INTS4: variants seen among roughly 807,000 people sequenced by gnomAD.
The protein encoded by INTS4 is MSTP093.
INTS4 carries 70 observed loss-of-function variants against 119.5 expected under a neutral mutation model. That is an observed-to-expected ratio of 0.59 (90% confidence interval 0.48 to 0.71). INTS4 has a LOEUF of 0.71. Ranked by LOEUF, INTS4 falls within the 30% of genes least tolerant of loss-of-function variation. The probability of loss-of-function intolerance (pLI) is 0.00; values close to 1 mark genes in which losing one functional copy is unlikely to be tolerated. For missense variants in INTS4, 867 were observed against 1,173.2 expected (o/e 0.74, Z 3.81); for synonymous variants, 316 against 419.6 (o/e 0.75, Z 3.02).
chr11:77,963,545 C>A, intron 4 of INTS4: 3 of 350,202 alleles, frequency 8.6e-6, no homozygotes, highest in Non-Finnish European at 1.1e-5. Flanking sequence ...AATAATAAGA[C>A]CAATTTGTGT....
Position 77,928,522 on chromosome 11 carries a change from G to A in INTS4, c.1191C>T (p.Ala397=). ...MYEVRIAAVE[A]LCMLAQSSPS... Reference sequence around the variant, plus strand: ...GTGAAGACTGGGCCAACATGCAGAGGGCCTCCACAGCAGCAATACGAACCT... The same window carrying A: ...GTGAAGACTGGGCCAACATGCAGAGAGCCTCCACAGCAGCAATACGAACCT... Residue 397 remains alanine (A), a synonymous_variant, in exon 11 of 23, where the codon GCC becomes GCT. Coordinates refer to ENST00000534064, the MANE Select transcript of INTS4 (RefSeq NM_033547.4). 3.1e-6 allele frequency: 5 copies of A among 1,589,334 alleles called. No homozygotes were observed. The highest frequency in any genetic ancestry group is 4.3e-6 in the Non-Finnish European group (5 of 1,166,524).
chr11:77,900,275 A>AT (rs1258537414), intron 18 of INTS4, among the ~76,000 whole-genome samples: 6 of 151,858 alleles, frequency 4.0e-5, no homozygotes, highest in Non-Finnish European at 2.9e-5. Flanking sequence ...AATTTTATGT[A>AT]TTTTTAGTAG....
chr11:77,914,158 C>T (rs1953152096), intron 15 of INTS4, among the ~76,000 whole-genome samples: 1 of 152,218 alleles, frequency 6.6e-6, no homozygotes, highest in South Asian at 2.1e-4. Context: ...TTTCACCATC[C>T]TGCCTATGCT....
intron 10 of INTS4, among the ~76,000 whole-genome samples, chr11:77,934,785 C>T (rs1953749908): frequency 6.6e-6 from 1 of 152,160 alleles, no homozygotes; most frequent in Non-Finnish European, 1.5e-5. Context: ...TTTAAGTTCA[C>T]AGAGAATCAA....
chr11:77,950,931 T>G (rs1954177318), intron 8 of INTS4, among the ~76,000 whole-genome samples: 1 of 142,768 alleles, frequency 7.0e-6, no homozygotes, highest in African/African-American at 2.6e-5. Context: ...GTCCATGTGT[T>G]CTCATTGTTC....
intron 4 of INTS4, among the ~76,000 whole-genome samples, chr11:77,972,988 G>C (rs1855792342): frequency 6.6e-6 from 1 of 151,610 alleles, no homozygotes; most frequent in South Asian, 2.1e-4. Context: ...CAACAGGCAA[G>C]TGCCACCATA....
At chr11:77,940,716 A>C (rs1161562577) in intron 9 of INTS4, among the ~76,000 whole-genome samples, 1 of 152,064 alleles carries the variant, frequency 6.6e-6, no homozygotes, top group Non-Finnish European at 1.5e-5. Flanking sequence ...GGCTCACTGC[A>C]ACCTCTGGTC....
chr11:77,984,508 A>C (rs116366126), intron 2 of INTS4, among the ~76,000 whole-genome samples: 2,800 of 151,662 alleles, frequency 0.018, 71 homozygotes, highest in African/African-American at 0.063. Context: ...AATGAAAAAA[A>C]AAAAAAGGTA....
intron 1 of INTS4, among the ~76,000 whole-genome samples, chr11:77,992,013 C>T (rs962618888): frequency 6.6e-6 from 1 of 151,882 alleles, no homozygotes; most frequent in African/African-American, 2.4e-5. Context: ...CTAGTAGAGA[C>T]AGGTTTTGCC....
intron 8 of INTS4, among the ~76,000 whole-genome samples, chr11:77,950,330 T>C (rs890328901): frequency 4.4e-4 from 67 of 152,018 alleles, no homozygotes; most frequent in Non-Finnish European, 1.3e-4. Flanking sequence ...CAAACCTGCA[T>C]GTTCTGCACA....
chr11:77,915,204 T>A (rs1953178551), intron 15 of INTS4: 1 of 154,132 alleles, frequency 6.5e-6, no homozygotes, highest in African/African-American at 2.4e-5. Flanking sequence ...TGTGATCTCC[T>A]CCACTGATTT....
intron 13 of INTS4, 71 bp downstream of exon 13, chr11:77,922,285 G>C: frequency 1.3e-6 from 2 of 1,546,568 alleles, no homozygotes; most frequent in Non-Finnish European, 8.7e-7. Flanking sequence ...GACTACCCTA[G>C]CTATACTGCA....
intron 3 of INTS4, among the ~76,000 whole-genome samples, chr11:77,980,836 A>T (rs1396018245): frequency 6.6e-6 from 1 of 152,034 alleles, no homozygotes; most frequent in Non-Finnish European, 1.5e-5. Context: ...TAAAAATACA[A>T]AAAAAATCAG....
At chr11:77,905,139 A>G (rs1219159087) in intron 16 of INTS4, among the ~76,000 whole-genome samples, 1 of 152,116 alleles carries the variant, frequency 6.6e-6, no homozygotes, top group Non-Finnish European at 1.5e-5. Flanking sequence ...CCAATCAGCC[A>G]GTGGCCAGGA....
At chr11:77,918,792 T>C (rs1410007097) in intron 15 of INTS4, 29 bp downstream of exon 15, 11 of 1,609,962 alleles carry the variant, frequency 6.8e-6, no homozygotes, top group Non-Finnish European at 8.5e-6. Flanking sequence ...CAGCACTAAC[T>C]CTGTCAGATG....
intron 15 of INTS4, chr11:77,917,905 T>C: frequency 1.7e-6 from 1 of 587,324 alleles, no homozygotes; most frequent in South Asian, 1.9e-5. Context: ...AAAGACTGCA[T>C]GTCCTCGCTC....
intron 8 of INTS4, among the ~76,000 whole-genome samples, chr11:77,941,797 C>T (rs1404827624): frequency 6.6e-6 from 1 of 152,088 alleles, no homozygotes; most frequent in Non-Finnish European, 1.5e-5. Context: ...TGAGTCACCA[C>T]GCCCGGCCAC....
rs375504964 is a variant in INTS4, at chr11:77,991,150, G to A, written c.204C>T (p.Ser68=). ...QFARKPVEAE[S]VEGVVRILLE... ...AGAGAATCCTGACTACTCCCTCTAC[G>A]CTTTCCGCCTCGACAGGCTTCCTGG... is the stretch of plus-strand genomic sequence containing the variant. Residue 68 remains serine, a synonymous_variant, in exon 2 of 23, where the codon AGC becomes AGT. Coordinates refer to ENST00000534064, the MANE Select transcript of INTS4 (RefSeq NM_033547.4). 12 of 1,613,974 alleles carry A rather than the reference G, an allele frequency of 7.4e-6. No individual in the cohort carries two copies. Among genetic ancestry groups the A allele is most frequent in the African/African-American group, 1.3e-5 (1 of 74,882 alleles).
At chr11:77,950,275 T>C (rs1278755171) in intron 8 of INTS4, among the ~76,000 whole-genome samples, 2 of 151,840 alleles carry the variant, frequency 1.3e-5, no homozygotes, top group African/African-American at 4.8e-5. Context: ...AGATGATAGG[T>C]TGACGGGTGC....
Sources: allele counts gnomAD v4.1 joint callset (sites outside exome capture counted in the v4.1 genomes callset), GRCh38; gene constraint gnomAD v4.1.1; transcripts MANE v1.5; gene names NCBI Gene and HGNC (gene_info 2026-07-23, HGNC 2026-07-21).